Variants in BEND3 observed in about 807,000 individuals in gnomAD.
BEND3 encodes the protein BEN domain-containing protein 3.
Under a neutral mutation model 60.1 loss-of-function variants are expected in BEND3, and 13 were observed. The observed-to-expected ratio is 0.22, with a 90% confidence interval of 0.14 to 0.34. BEND3 has a LOEUF of 0.34. Among genes scored for constraint, BEND3 ranks in the 10% least tolerant of loss-of-function variants. The pLI, the probability that BEND3 is intolerant of heterozygous loss-of-function variation, is 1.00. For synonymous variants in BEND3, 497 were observed against 491.5 expected (o/e 1.01, Z -0.15); for missense variants, 896 against 1,138.1 (o/e 0.79, Z 3.06).
In BEND3 at chr6:107,098,605, G is replaced by A. The variant is rs782338087; in HGVS notation, c.186C>T (p.Ser62=). 3.2e-5 allele frequency: 52 copies of A among 1,613,568 alleles called. No individual in the cohort carries two copies. The highest frequency in any genetic ancestry group is 1.5e-4 in the South Asian group (14 of 91,076). ...CGGGGACAGAGTCTAGCAGGCCATC[G>A]CTGACCAGCTGCTTTCGTTTGCTGG... ...QDSSKRKQLV[S]DGLLDSVPGV... The change falls in exon 3 of 4, where the codon AGC becomes AGT. Residue 62 remains serine (S), a synonymous_variant. Transcript: ENST00000369042.
At chr6:107,111,167 A>G (rs982956316) in intron 1 of BEND3, among the ~76,000 whole-genome samples, 1 of 152,104 alleles carries the variant, frequency 6.6e-6, no homozygotes, top group Admixed American at 6.5e-5. Context: ...CCTGTCTCAA[A>G]AATTCCCAGA....
chr6:107,070,549 G>A lies in BEND3; in HGVS notation c.642C>T (p.His214=). 1 of 1,613,364 alleles carries A rather than the reference G, an allele frequency of 6.2e-7. No individual in the cohort carries two copies. The highest frequency in any genetic ancestry group is 1.8e-4 in the Middle Eastern group (1 of 5,406). ...CAAGGGAGAGCAGGTCCACCTTGCT[G>A]TGCAGCTGGGACATGTTGGACGTGA... ...NTLTSNMSQL[H]SKVDLLSLEV... The change falls in exon 4 of 4, where the codon CAC becomes CAT. Residue 214 remains histidine (H), a synonymous_variant. Transcript: ENST00000369042. The surrounding 1 kb of genome is among the most constrained non-coding windows in gnomAD (Gnocchi z 6.9).
chr6:107,110,487 GGAAA>G (rs1371139829), intron 1 of BEND3, among the ~76,000 whole-genome samples: 3 of 152,088 alleles, frequency 2.0e-5, no homozygotes, highest in African/African-American at 7.2e-5. Flanking sequence ...ATTTGGAGAA[GGAAA>G]GAGACTGTCA....
At chr6:107,074,051 G>A (rs542556452) in intron 3 of BEND3, among the ~76,000 whole-genome samples, 1 of 152,302 alleles carries the variant, frequency 6.6e-6, no homozygotes, top group African/African-American at 2.4e-5. Flanking sequence ...TGTCCCACAG[G>A]GTGGTTGTGA....
At chr6:107,109,087 T>A in intron 1 of BEND3, among the ~76,000 whole-genome samples, 1 of 152,006 alleles carries the variant, frequency 6.6e-6, no homozygotes, top group East Asian at 2.0e-4. Flanking sequence ...ATTACAGGTA[T>A]GAGCCACCAC....
chr6:107,114,433 C>T (rs765710070), intron 1 of BEND3: 2 of 151,864 alleles, frequency 1.3e-5, no homozygotes, highest in Non-Finnish European at 2.9e-5. Context: ...CGGGGCCCAT[C>T]CCTCTCCGCT....
At chr6:107,099,070 G>C (rs900104647) in intron 2 of BEND3, among the ~76,000 whole-genome samples, 179 bp downstream of exon 2, 1 of 152,032 alleles carries the variant, frequency 6.6e-6, no homozygotes, top group Admixed American at 6.6e-5. Context: ...TTTAAAAAGT[G>C]ACACAAGGTG....
intron 1 of BEND3, among the ~76,000 whole-genome samples, chr6:107,110,748 T>A (rs941387539): frequency 6.6e-6 from 1 of 151,942 alleles, no homozygotes; most frequent in South Asian, 2.1e-4. Flanking sequence ...AGATACGAGG[T>A]TTCGCGATGT....
rs1554231642 is a variant in BEND3, at chr6:107,069,940, C to A, written c.1251G>T (p.Arg417=). The A allele has an allele frequency of 1.9e-6, 3 of 1,613,844 alleles. No individual in the cohort carries two copies. Among genetic ancestry groups the A allele is most frequent in the African/African-American group, 1.3e-5 (1 of 75,026 alleles). Residue 417 remains arginine (R), a synonymous_variant, in exon 4 of 4, where the codon CGG becomes CGT. Transcript: ENST00000369042. ...PGEFAVFLLH[R]LFPELFDHRK... ...GGTGGTCGAAGAGCTCGGGGAAGAG[C>A]CGGTGGAGGAGGAAGACGGCAAACT...
At chr6:107,108,863 T>C (rs1172067768) in intron 1 of BEND3, among the ~76,000 whole-genome samples, 2 of 152,172 alleles carry the variant, frequency 1.3e-5, no homozygotes, top group South Asian at 2.1e-4. Flanking sequence ...TGGAGTGCAG[T>C]GGTGCGACCT....
At chr6:107,097,811 A>AAAAAC (rs1554236217) in intron 3 of BEND3, among the ~76,000 whole-genome samples, 1 of 151,248 alleles carries the variant, frequency 6.6e-6, no homozygotes, top group Non-Finnish European at 1.5e-5. Context: ...AAAAAAAAAA[A>AAAAAC]AAAACCCCAA....
Position 107,070,081 on chromosome 6 carries a change from G to A in BEND3, c.1110C>T (p.Asp370=), listed in dbSNP as rs782111855. The change falls in exon 4 of 4, where the codon GAC becomes GAT. Residue 370 remains aspartate (D), a synonymous_variant. Coordinates refer to ENST00000369042, the MANE Select transcript of BEND3 (RefSeq NM_001367314.1). This position sits in a 1 kb window ranked among gnomAD's most constrained non-coding sequence, Gnocchi z 6.9. ...ACAGGGCCTCCTCCTGGTCTTTGTT[G>A]TCCAGGAAGTGGCCGGGGTCCACCT... ...AEQVDPGHFL[D]NKDQEEALSL... is the part of the protein sequence containing the mutation. 6.2e-7 allele frequency: 1 copy of A among 1,613,468 alleles called. No individual in the cohort carries two copies. Among genetic ancestry groups the A allele is most frequent in the African/African-American group, 1.3e-5 (1 of 74,930 alleles).
At chr6:107,103,387 T>A (rs1775740579) in intron 1 of BEND3, among the ~76,000 whole-genome samples, 1 of 152,180 alleles carries the variant, frequency 6.6e-6, no homozygotes. Flanking sequence ...TACCTGACTA[T>A]AGGCTACGTA....
At position 107,069,146 on chromosome 6, in the gene BEND3, TC is replaced by T; in HGVS notation, c.2044del (p.Glu682ArgfsTer151). Reference protein sequence around the residue: ...SYAINPERFREEFEGPPLPPE... With the variant: ...SYAINPERFRXEFEGPPLPPE... ...GGGCAGTGGGGGCCCCTCAAACTCC[TC>T]CCGGAACCTCTCGGGGTTGATTGCA... On this transcript the variant is annotated frameshift_variant, in exon 4 of 4. Coordinates refer to ENST00000369042, the MANE Select transcript of BEND3 (RefSeq NM_001367314.1). LOFTEE classifies it high-confidence loss of function. The T allele has an allele frequency of 6.2e-7, 1 of 1,612,460 alleles. No individual in the cohort carries two copies. The highest frequency in any genetic ancestry group is 8.5e-7 in the Non-Finnish European group (1 of 1,179,944).
chr6:107,087,477 C>T (rs782093970), intron 3 of BEND3, among the ~76,000 whole-genome samples: 2 of 152,032 alleles, frequency 1.3e-5, no homozygotes, highest in Non-Finnish European at 2.9e-5. Context: ...AACAGATGGT[C>T]GGCGAGGCGC....
Position 107,068,239 on chromosome 6 carries a change from G to A in BEND3, c.*465C>T, listed in dbSNP as rs1444344786. On this transcript the variant is annotated 3_prime_UTR_variant, in exon 4 of 4. Coordinates refer to ENST00000369042, the MANE Select transcript of BEND3 (RefSeq NM_001367314.1). The surrounding 1 kb of genome is among the most constrained non-coding windows in gnomAD (Gnocchi z 5.8). ...TGCACGAACATGGCACTTTTAAAGAGATTTTTTTCTAAGTAAAATGGCCCC... is the reference window on the plus strand; with the variant it reads ...TGCACGAACATGGCACTTTTAAAGAAATTTTTTTCTAAGTAAAATGGCCCC... 1.3e-5 allele frequency: 2 copies of A among 155,210 alleles called. No individual in the cohort carries two copies. The highest frequency in any genetic ancestry group is 4.8e-5 in the African/African-American group (2 of 41,414). The allele number at this position is 155,210 out of a possible 1,614,324, so 9.6% of individuals were successfully genotyped here. A position where few individuals can be genotyped will look rare whatever the true frequency, so the allele number is the denominator to read the frequency against.
rs181023327 is a variant in BEND3 at position 107,093,416 on chromosome 6, G to A, written c.240+5135C>T. Among the ~76,000 whole-genome samples, 413 of 151,340 alleles carry A rather than the reference G, an allele frequency of 2.7e-3. 11 individuals are homozygous for A. Among genetic ancestry groups the A allele is most frequent in the Admixed American group, 0.024 (362 of 15,196 alleles). The stretch of plus-strand genomic sequence containing the variant: ...GCGGAGCTTGCAGTGAGCCAAGATC[G>A]CGCCACTGCACTCCAGCCTGGGCGA... On this transcript the variant is annotated intron_variant, in intron 3 of 3. Coordinates refer to ENST00000369042, the MANE Select transcript of BEND3 (RefSeq NM_001367314.1).
intron 3 of BEND3, among the ~76,000 whole-genome samples, chr6:107,083,103 AAG>A (rs1554233748): frequency 1.3e-5 from 2 of 152,202 alleles, no homozygotes; most frequent in Non-Finnish European, 2.9e-5. Context: ...CACAAAGGAA[AAG>A]GATAATAAAA....
At chr6:107,074,214 G>A (rs1002383510) in intron 3 of BEND3, among the ~76,000 whole-genome samples, 7 of 152,104 alleles carry the variant, frequency 4.6e-5, no homozygotes, top group African/African-American at 9.7e-5. Flanking sequence ...TCAGGAGTTC[G>A]AAACTAGCCT....
Sources: allele counts gnomAD v4.1 joint callset (sites outside exome capture counted in the v4.1 genomes callset), GRCh38; gene constraint gnomAD v4.1.1; non-coding constraint Gnocchi (gnomAD v3.1); transcripts MANE v1.5; gene names NCBI Gene and HGNC (gene_info 2026-07-23, HGNC 2026-07-21).